The following CPD variants were observed in gnomAD, a reference collection of about 807,000 sequenced individuals.
CPD encodes metallocarboxypeptidase D.
CPD carries 69 observed loss-of-function variants against 138.3 expected under a neutral mutation model. The observed-to-expected ratio is 0.50, with a 90% CI of 0.41 to 0.61. The LOEUF (loss-of-function observed/expected upper bound fraction) is 0.61, where lower values mean the gene tolerates loss of function less well. Ranked by LOEUF, CPD falls within the 20% of genes least tolerant of loss-of-function variation. The pLI, the probability that CPD is intolerant of heterozygous loss-of-function variation, is 0.00. For synonymous variants in CPD, 651 were observed against 642.1 expected, an observed-to-expected ratio of 1.01 and a Z score of -0.21; for missense variants, 1,432 against 1,733.3, an observed-to-expected ratio of 0.83 and a Z score of 3.09.
chr17:30,456,550 G>GA, intron 17 of CPD, 24 bp downstream of exon 17: 1 of 1,610,878 alleles, frequency 6.2e-7, no homozygotes, highest in Non-Finnish European at 8.5e-7. Flanking sequence ...AACATGGTTA[G>GA]AATGGAGTTA....
chr17:30,417,056 C>T (rs1384973927), intron 2 of CPD, among the ~76,000 whole-genome samples: 9 of 150,588 alleles, frequency 6.0e-5, no homozygotes, highest in African/African-American at 1.7e-4. Context: ...GAGCCGAGAT[C>T]GCGCCACTGC....
At position 30,442,335 on chromosome 17, in the gene CPD, A is replaced by C; in HGVS notation, c.2258A>C (p.Gln753Pro). 6.2e-7 allele frequency: 1 copy of C among 1,613,306 alleles called. No individual in the cohort carries two copies. The highest frequency in any genetic ancestry group is 8.5e-7 in the Non-Finnish European group (1 of 1,179,464). Reference sequence around the variant, plus strand: ...GGAATGCAGGACTGGAACTATTTACAAACAAATTGCTTTGAAGTGACTATT... The same window carrying C: ...GGAATGCAGGACTGGAACTATTTACCAACAAATTGCTTTGAAGTGACTATT... ...PGGMQDWNYL[Q>P]TNCFEVTIEL... Residue 753 changes from glutamine (Q) to proline (P), a missense_variant, in exon 10 of 21, where the codon CAA becomes CCA. Around this residue, in one of 6 missense-constraint regions of CPD, gnomAD observed 297 missense variants for 405.3 expected, o/e 0.73. Transcript: ENST00000225719.
chr17:30,442,626 G>A (rs972144484), intron 10 of CPD, among the ~76,000 whole-genome samples, 176 bp downstream of exon 10: 7 of 152,122 alleles, frequency 4.6e-5, no homozygotes, highest in South Asian at 2.1e-4. Context: ...TAGAAAATTC[G>A]TGAATGGAAA....
chr17:30,464,643 A>T lies in CPD; in HGVS notation c.3972A>T (p.Ser1324=), dbSNP rs1162518888. ...LTACIIWCIC[S]IKSNRHKDGF... ...CTTGCATTATTTGGTGCATCTGCTCAATCAAGTCTAATAGACACAAGGATG... is the reference window on the plus strand; with the variant it reads ...CTTGCATTATTTGGTGCATCTGCTCTATCAAGTCTAATAGACACAAGGATG... The change falls in exon 21 of 21, where the codon TCA becomes TCT. Residue 1324 remains serine (S), a synonymous_variant. Transcript: ENST00000225719. The T allele has an allele frequency of 1.2e-6, 2 of 1,613,946 alleles. No individual in the cohort carries two copies. The highest frequency in any genetic ancestry group is 2.2e-5 in the South Asian group (2 of 91,084).
chr17:30,387,793 C>G (rs147266570), intron 2 of CPD, among the ~76,000 whole-genome samples: 2 of 152,192 alleles, frequency 1.3e-5, no homozygotes, highest in Non-Finnish European at 2.9e-5. Context: ...TTAATACTTT[C>G]GTTACTGGAT....
At chr17:30,462,570 C>A in intron 20 of CPD, 101 bp downstream of exon 20, 1 of 755,896 alleles carries the variant, frequency 1.3e-6, no homozygotes, top group Admixed American at 2.3e-5. Flanking sequence ...AAACTAATCA[C>A]TTGTCTTCTA....
intron 8 of CPD, among the ~76,000 whole-genome samples, chr17:30,436,837 T>C (rs934613094): frequency 3.3e-5 from 5 of 152,210 alleles, no homozygotes; most frequent in African/African-American, 9.6e-5. Flanking sequence ...GCAGCATTAT[T>C]CATAATAGCC....
intron 2 of CPD, among the ~76,000 whole-genome samples, chr17:30,409,920 G>A (rs1239627636): frequency 1.3e-5 from 2 of 151,926 alleles, no homozygotes; most frequent in African/African-American, 4.8e-5. Flanking sequence ...GTTTGCTCTT[G>A]CTTCTCTAGT....
At chr17:30,447,658 A>C (rs1017295332) in intron 12 of CPD, 2 of 152,080 alleles carry the variant, frequency 1.3e-5, no homozygotes, top group Admixed American at 1.3e-4. Flanking sequence ...TAGAAAATGA[A>C]GCCTAGTTGC....
chr17:30,431,622 A>G, intron 7 of CPD, 150 bp from the exon 8 acceptor site: 1 of 618,518 alleles, frequency 1.6e-6, no homozygotes, highest in East Asian at 2.9e-5. Flanking sequence ...TTTGAATTGA[A>G]GAAATTAGTG....
In CPD at chr17:30,399,689, A is replaced by G. The variant is rs927758098; in HGVS notation, c.994+14453A>G. Among the ~76,000 whole-genome samples, 7 of 151,998 alleles carry G rather than the reference A, an allele frequency of 4.6e-5. No homozygotes were observed. The East Asian group carries it at 5.8e-4, about 13-fold the overall frequency. On this transcript the variant is annotated intron_variant, in intron 2 of 20. Transcript: ENST00000225719. ...TTTCTTTTAACTTACCTATACCATTATATTTAAAGTGAGTTTCTGACCTGG... is the reference window on the plus strand; with the variant it reads ...TTTCTTTTAACTTACCTATACCATTGTATTTAAAGTGAGTTTCTGACCTGG...
chr17:30,383,659 T>G (rs1911109116), intron 1 of CPD, among the ~76,000 whole-genome samples: 1 of 152,220 alleles, frequency 6.6e-6, no homozygotes, highest in Non-Finnish European at 1.5e-5. Context: ...GTAATTTTCA[T>G]TGTTTGATCT....
intron 2 of CPD, among the ~76,000 whole-genome samples, chr17:30,388,543 A>T (rs1174405570): frequency 1.3e-5 from 2 of 152,030 alleles, no homozygotes; most frequent in African/African-American, 4.8e-5. Flanking sequence ...CTCAGCTCCA[A>T]CCCCAATCCC....
At position 30,379,531 on chromosome 17, in the gene CPD, C is replaced by T; in HGVS notation, c.551C>T (p.Pro184Leu). The stretch of plus-strand genomic sequence containing the variant: ...GTGTACCTGCTGCCCAGCCTCAACC[C>T]CGATGGCTTCGAGCGTGCCCGCGAG... ...TDVYLLPSLN[P>L]DGFERAREGD... is the part of the protein sequence containing the mutation. Residue 184 changes from proline to leucine, a missense_variant, in exon 1 of 21, where the codon CCC becomes CTC. Pro to Leu is a moderately conservative substitution (Grantham distance 98). This residue lies in a region of CPD where 484 missense variants were observed against 477.2 expected (regional missense o/e 1.01). Coordinates refer to ENST00000225719, the MANE Select transcript of CPD (RefSeq NM_001304.5). This position sits in a 1 kb window ranked among gnomAD's most constrained non-coding sequence, Gnocchi z 7.0. 2 of 1,563,650 alleles carry T rather than the reference C, an allele frequency of 1.3e-6. No homozygotes were observed. Among genetic ancestry groups the T allele is most frequent in the Non-Finnish European group, 1.7e-6 (2 of 1,161,430 alleles).
intron 7 of CPD, among the ~76,000 whole-genome samples, chr17:30,427,974 G>A (rs1331618252): frequency 1.3e-5 from 2 of 148,484 alleles, no homozygotes; most frequent in East Asian, 2.0e-4. Flanking sequence ...AGTTCTTCAG[G>A]TATTTTGTAT....
chr17:30,456,137 A>G lies in CPD; in HGVS notation c.3338-119A>G, dbSNP rs1913286295. 7.3e-6 allele frequency: 5 copies of G among 682,818 alleles called. No homozygotes were observed. The Admixed American group carries it at 1.4e-4, about 19-fold the overall frequency. The allele number at this position is 682,818 out of a possible 1,614,324, so 42.3% of individuals were successfully genotyped here. A position where few individuals can be genotyped will look rare whatever the true frequency, so the allele number is the denominator to read the frequency against. On this transcript the variant is annotated intron_variant, in intron 15 of 20. Transcript: ENST00000225719. ...TTAGGGTTAATTATAGTAACAGTATACTTAAGTGGAGTGCAAAATTTATTA... is the reference window on the plus strand; with the variant it reads ...TTAGGGTTAATTATAGTAACAGTATGCTTAAGTGGAGTGCAAAATTTATTA...
chr17:30,446,944 T>C (rs1013859561), intron 12 of CPD, among the ~76,000 whole-genome samples: 9 of 152,232 alleles, frequency 5.9e-5, no homozygotes, highest in East Asian at 5.8e-4. Flanking sequence ...AGCATTTTTT[T>C]GTGTGTCTTT....
At chr17:30,398,742 A>G (rs910410158) in intron 2 of CPD, among the ~76,000 whole-genome samples, 1 of 152,110 alleles carries the variant, frequency 6.6e-6, no homozygotes, top group Non-Finnish European at 1.5e-5. Flanking sequence ...CCTATCTGTG[A>G]CATCTCACAA....
At position 30,379,233 on chromosome 17, in the gene CPD, A is replaced by G. The variant is rs1910973423; in HGVS notation, c.253A>G (p.Ile85Val). Residue 85 changes from isoleucine (I) to valine (V), a missense_variant, in exon 1 of 21, where the codon ATC (isoleucine) becomes GTC (valine). Transcript: ENST00000225719. This position sits in a 1 kb window ranked among gnomAD's most constrained non-coding sequence, Gnocchi z 7.0. ...CCCCGGCCTGGCCCGCCTCTTTAGC[A>G]TCGGCCGCTCGGTGGAAGGCCGGCC... Reference protein sequence around the residue: ...GLPGLARLFSIGRSVEGRPLW... With the variant: ...GLPGLARLFSVGRSVEGRPLW... The G allele has an allele frequency of 1.3e-6, 2 of 1,523,370 alleles. No homozygotes were observed. The highest frequency in any genetic ancestry group is 4.0e-5 in the Admixed American group (2 of 50,298). 94.4% of individuals were successfully genotyped at this position (1,523,370 alleles called of 1,614,324 possible).
Sources: allele counts gnomAD v4.1 joint callset (sites outside exome capture counted in the v4.1 genomes callset), GRCh38; gene constraint gnomAD v4.1.1; regional missense constraint gnomAD v4.1.1; non-coding constraint Gnocchi (gnomAD v3.1); transcripts MANE v1.5; gene names NCBI Gene and HGNC (gene_info 2026-07-23, HGNC 2026-07-21).